The following NF1 variants were observed in gnomAD, a reference collection of about 807,000 sequenced individuals.
NF1 encodes neurofibromin.
In NF1, 122 loss-of-function variants were observed where a neutral mutation model predicts 325.7. The observed-to-expected ratio is 0.37, with a 90% CI of 0.32 to 0.44. NF1 has a LOEUF of 0.44. NF1 is among the 20% of genes least tolerant of loss of function. The pLI, the probability that NF1 is intolerant of heterozygous loss-of-function variation, is 1.00. For synonymous variants in NF1, 1,091 were observed against 1,186.0 expected (o/e 0.92, Z 1.65); for missense variants, 2,140 against 3,415.4 (o/e 0.63, Z 9.31).
intron 30 of NF1, among the ~76,000 whole-genome samples, chr17:31,249,797 A>G (rs2067462832): frequency 6.6e-6 from 1 of 152,088 alleles, no homozygotes; most frequent in South Asian, 2.1e-4. Flanking sequence ...AGTTTTAGGA[A>G]TTATTTATTC....
chr17:31,205,779 C>T (rs2066608565), intron 11 of NF1, among the ~76,000 whole-genome samples: 1 of 151,380 alleles, frequency 6.6e-6, no homozygotes, highest in African/African-American at 2.4e-5. Flanking sequence ...AATGGTTTTC[C>T]ACATACACTT....
At chr17:31,318,305 A>G in intron 36 of NF1, 1 of 1,602,272 alleles carries the variant, frequency 6.2e-7, no homozygotes. Flanking sequence ...TTTCTTCACT[A>G]ACCTATCTGT....
chr17:31,295,075 T>G (rs2068432715), intron 36 of NF1: 2 of 1,614,156 alleles, frequency 1.2e-6, no homozygotes, highest in East Asian at 4.5e-5. Flanking sequence ...TCCAAGCATT[T>G]GCCACAGAAG....
intron 36 of NF1, chr17:31,295,152 G>A (rs751830790): frequency 5.6e-6 from 9 of 1,614,164 alleles, no homozygotes; most frequent in South Asian, 1.1e-5. Context: ...CTTTGTTGAG[G>A]CATTTCAGAG....
At chr17:31,254,104 A>C (rs62070683) in intron 31 of NF1, 1 of 150,690 alleles carries the variant, frequency 6.6e-6, no homozygotes, top group Admixed American at 6.6e-5. Flanking sequence ...CTCTACAAAT[A>C]ATTTTTTTTT....
chr17:31,132,662 GTTAC>G (rs1269180058), intron 1 of NF1, among the ~76,000 whole-genome samples: 7 of 151,786 alleles, frequency 4.6e-5, no homozygotes, highest in Non-Finnish European at 7.4e-5. Flanking sequence ...ACTTTTTAAT[GTTAC>G]TTATTTATTT....
At chr17:31,238,971 C>T (rs867069223) in intron 29 of NF1, among the ~76,000 whole-genome samples, 1 of 152,164 alleles carries the variant, frequency 6.6e-6, no homozygotes, top group Non-Finnish European at 1.5e-5. Flanking sequence ...ATGCCTCACA[C>T]TAAAGTCCAA....
chr17:31,236,450 A>G (rs1462098063), intron 29 of NF1, among the ~76,000 whole-genome samples: 1 of 151,842 alleles, frequency 6.6e-6, no homozygotes, highest in South Asian at 2.1e-4. Context: ...TCATTTTTTT[A>G]AAAATTTGAG....
chr17:31,117,153 G>A (rs1415479125), intron 1 of NF1, among the ~76,000 whole-genome samples: 1 of 150,988 alleles, frequency 6.6e-6, no homozygotes, highest in African/African-American at 2.4e-5. Flanking sequence ...CTAAATTTTT[G>A]TATTTTTAGT....
intron 57 of NF1, chr17:31,367,364 G>C (rs570040306): frequency 2.2e-6 from 2 of 894,914 alleles, no homozygotes; most frequent in Admixed American, 2.5e-5. Context: ...TTTACTCACC[G>C]GTCCCTGTAA....
At chr17:31,283,200 G>A (rs1187493082) in intron 36 of NF1, among the ~76,000 whole-genome samples, 3 of 151,986 alleles carry the variant, frequency 2.0e-5, no homozygotes, top group African/African-American at 2.4e-5. Flanking sequence ...GGCGGATCAC[G>A]AGGTCAGGAG....
rs530615400 is a variant in NF1, at chr17:31,359,053, G to A, written c.8160+38G>A. On this transcript the variant is annotated intron_variant, in intron 56 of 57. Coordinates refer to ENST00000358273, the MANE Select transcript of NF1 (RefSeq NM_001042492.3). ...ATTTTTCTCTAACTTTTGGCAAAAT[G>A]AAGGTTTCTGTTCAAATTAGTATGC... 3.2e-6 allele frequency: 5 copies of A among 1,569,622 alleles called. No individual in the cohort carries two copies. The South Asian group carries it at 3.3e-5, about 10-fold the overall frequency.
chr17:31,242,305 CTTTTTTTTTT>C (rs200376987), intron 29 of NF1, among the ~76,000 whole-genome samples: 13 of 68,860 alleles, frequency 1.9e-4, no homozygotes, highest in South Asian at 1.1e-3. Context: ...CATAAGTTCT[CTTTTTTTTTT>C]TTTTTTTTTT....
At chr17:31,293,195 AAAAAAAAAAAAAAAAAG>A (rs1478567431) in intron 36 of NF1, among the ~76,000 whole-genome samples, 1 of 145,848 alleles carries the variant, frequency 6.9e-6, no homozygotes, top group East Asian at 2.0e-4. Flanking sequence ...AAAAAAAAAA[AAAAAAAAAAAAAAAAAG>A]AAACCTACTT....
intron 57 of NF1, chr17:31,362,204 C>A (rs2070416753): frequency 1.9e-6 from 1 of 538,574 alleles, no homozygotes; most frequent in African/African-American, 2.1e-5. Flanking sequence ...AAGCACTGCC[C>A]TGGGGTCTGC....
chr17:31,293,852 T>C (rs551156117), intron 36 of NF1, among the ~76,000 whole-genome samples: 47 of 152,360 alleles, frequency 3.1e-4, no homozygotes, highest in Admixed American at 2.6e-3. Flanking sequence ...CTGTTTCTTA[T>C]GTTTGTCACT....
intron 11 of NF1, among the ~76,000 whole-genome samples, chr17:31,203,374 A>C (rs1462708908): frequency 6.6e-6 from 1 of 152,252 alleles, no homozygotes; most frequent in Non-Finnish European, 1.5e-5. Flanking sequence ...TCAATGAAAT[A>C]GCTTGAAAAG....
intron 36 of NF1, among the ~76,000 whole-genome samples, chr17:31,319,245 G>A (rs2069114399): frequency 6.6e-6 from 1 of 152,140 alleles, no homozygotes; most frequent in South Asian, 2.1e-4. Context: ...CTAGAAGTTA[G>A]CATTACAAAT....
intron 11 of NF1, among the ~76,000 whole-genome samples, chr17:31,203,130 C>T (rs528682086): frequency 6.6e-6 from 1 of 152,278 alleles, no homozygotes; most frequent in East Asian, 1.9e-4. Flanking sequence ...CTTGGCACTG[C>T]TGTAAGTGGC....
Sources: gnomAD v4.1 joint callset for allele counts (sites outside exome capture counted in the v4.1 genomes callset) on GRCh38, gnomAD v4.1.1 for gene constraint, MANE v1.5 for transcripts, NCBI Gene and HGNC (gene_info 2026-07-23, HGNC 2026-07-21) for gene names.